Variants in PPP2R3A observed in about 807,000 individuals in gnomAD.
PPP2R3A encodes serine/threonine-protein phosphatase 2A regulatory subunit B'' subunit alpha.
PPP2R3A carries 80 observed loss-of-function variants against 106.9 expected under a neutral mutation model. The observed-to-expected ratio is 0.75, with a 90% CI of 0.62 to 0.90. PPP2R3A has a LOEUF of 0.90. Ranked by LOEUF, PPP2R3A falls within the 40% of genes least tolerant of loss-of-function variation. The pLI, the probability that PPP2R3A is intolerant of heterozygous loss-of-function variation, is 0.00. For missense variants in PPP2R3A, 1,386 were observed against 1,350.4 expected (o/e 1.03, Z -0.41); for synonymous variants, 483 against 468.3 (o/e 1.03, Z -0.41).
intron 5 of PPP2R3A, among the ~76,000 whole-genome samples, chr3:136,064,456 C>T (rs1936194790): frequency 6.6e-6 from 1 of 151,788 alleles, no homozygotes; most frequent in African/African-American, 2.4e-5. Context: ...GGGTTCTATA[C>T]TAATGTGTTT....
At chr3:136,025,814 C>T (rs1322791396) in intron 2 of PPP2R3A, among the ~76,000 whole-genome samples, 1 of 152,086 alleles carries the variant, frequency 6.6e-6, no homozygotes, top group Non-Finnish European at 1.5e-5. Flanking sequence ...GCATCTAATA[C>T]AGTACCATGC....
chr3:136,082,312 T>C lies in PPP2R3A; in HGVS notation c.2679T>C (p.Asp893=), dbSNP rs138442457. 1,026 of 1,601,632 alleles carry C rather than the reference T, an allele frequency of 6.4e-4. 2 individuals are homozygous for C. The highest frequency in any genetic ancestry group is 8.3e-4 in the Middle Eastern group (5 of 6,052). ...AGGAAGATATAAACCAAATTACAGA[T>C]TACTTCTCCTATGAACATTTCTATG... ...EEEEDINQIT[D]YFSYEHFYVI... Residue 893 remains aspartate (D), a synonymous_variant, in exon 8 of 14, where the codon GAT becomes GAC. Coordinates refer to ENST00000264977, the MANE Select transcript of PPP2R3A (RefSeq NM_002718.5).
chr3:136,017,857 G>T lies in PPP2R3A; in HGVS notation c.1996-8975G>T, dbSNP rs1357539. Among the ~76,000 whole-genome samples the T allele has an allele frequency of 6.8e-4, 104 of 152,306 alleles. 1 individual carries two copies. The East Asian group carries it at 0.013, about 18-fold the overall frequency. Reference sequence around the variant, plus strand: ...TCATCCAGATTTTTATAGCTTTGCTGCCTGCATTATTCCAACTGCCTTTCC... The same window carrying T: ...TCATCCAGATTTTTATAGCTTTGCTTCCTGCATTATTCCAACTGCCTTTCC... On this transcript the variant is annotated intron_variant, in intron 2 of 13. Coordinates refer to ENST00000264977, the MANE Select transcript of PPP2R3A (RefSeq NM_002718.5).
rs1196992314 is a variant in PPP2R3A at position 136,137,100 on chromosome 3, A to G, written c.3330-7943A>G. 2.0e-5 allele frequency among the ~76,000 whole-genome samples: 3 copies of G among 152,314 alleles called. No individual in the cohort carries two copies. The East Asian group carries it at 5.8e-4, about 29-fold the overall frequency. ...CTATATGAAGATAACAGGTTATGAT[A>G]CCATATTTATAATTAACATTCTTAT... On this transcript the variant is annotated intron_variant, in intron 13 of 13. Coordinates refer to ENST00000264977, the MANE Select transcript of PPP2R3A (RefSeq NM_002718.5).
chr3:136,009,440 A>T (rs895075834), intron 2 of PPP2R3A, among the ~76,000 whole-genome samples: 1 of 152,076 alleles, frequency 6.6e-6, no homozygotes, highest in Non-Finnish European at 1.5e-5. Context: ...ACACTTTTCA[A>T]TATTACTCTT....
Position 136,001,586 on chromosome 3 carries a change from T to G in PPP2R3A, c.88T>G (p.Tyr30Asp). Residue 30 changes from tyrosine (Y) to aspartate (D), a missense_variant, in exon 2 of 14, where the codon TAT (tyrosine) becomes GAT (aspartate). Tyr to Asp is a radical substitution (Grantham distance 160). Coordinates refer to ENST00000264977, the MANE Select transcript of PPP2R3A (RefSeq NM_002718.5). Reference sequence around the variant, plus strand: ...CCGGCGTTTTGAACAAGCTATACATTATTGCACTGGAACCTGCCACACCTT... The same window carrying G: ...CCGGCGTTTTGAACAAGCTATACATGATTGCACTGGAACCTGCCACACCTT... ...IDRRFEQAIHYCTGTCHTFTH... is the reference protein window; with the variant it reads ...IDRRFEQAIHDCTGTCHTFTH... 6.2e-7 allele frequency: 1 copy of G among 1,614,170 alleles called. No homozygotes were observed. The highest frequency in any genetic ancestry group is 8.5e-7 in the Non-Finnish European group (1 of 1,180,016).
intron 2 of PPP2R3A, among the ~76,000 whole-genome samples, chr3:136,008,978 A>C (rs1933948051): frequency 6.7e-6 from 1 of 149,476 alleles, no homozygotes; most frequent in South Asian, 2.1e-4. Context: ...CCCATCCCCC[A>C]CCCCACTTTC....
chr3:136,084,517 GC>G (rs1936871152), intron 8 of PPP2R3A, among the ~76,000 whole-genome samples: 1 of 152,226 alleles, frequency 6.6e-6, no homozygotes, highest in African/African-American at 2.4e-5. Context: ...TGGGGTTGAA[GC>G]CCCCACAGAG....
chr3:136,008,849 A>G (rs946887937), intron 2 of PPP2R3A, among the ~76,000 whole-genome samples: 20 of 152,094 alleles, frequency 1.3e-4, no homozygotes, highest in African/African-American at 4.6e-4. Context: ...AGGCCTGTCC[A>G]ACCCTCACAG....
chr3:136,075,588 ACAGT>A (rs759794649), intron 6 of PPP2R3A, among the ~76,000 whole-genome samples: 3 of 152,246 alleles, frequency 2.0e-5, no homozygotes, highest in Non-Finnish European at 4.4e-5. Context: ...GAAATGCCTA[ACAGT>A]CAAACTGTTT....
chr3:135,986,796 C>A (rs1295087690), intron 1 of PPP2R3A, among the ~76,000 whole-genome samples: 3 of 152,114 alleles, frequency 2.0e-5, no homozygotes, highest in African/African-American at 7.2e-5. Context: ...TCTTCTGAAC[C>A]ATTCTCTTGT....
chr3:135,969,189 C>T (rs1049997411), intron 1 of PPP2R3A, among the ~76,000 whole-genome samples: 1 of 152,040 alleles, frequency 6.6e-6, no homozygotes, highest in Non-Finnish European at 1.5e-5. Context: ...TATTAGAATG[C>T]TTTGGAAGGA....
chr3:136,080,179 G>A (rs192314860), intron 7 of PPP2R3A, among the ~76,000 whole-genome samples: 8 of 152,118 alleles, frequency 5.3e-5, no homozygotes, highest in Non-Finnish European at 1.2e-4. Flanking sequence ...CAGTGTCTCA[G>A]GGTTTTTTTC....
chr3:136,055,652 C>A, intron 5 of PPP2R3A: 2 of 1,249,854 alleles, frequency 1.6e-6, no homozygotes, highest in Non-Finnish European at 2.3e-6. Flanking sequence ...GTACTTGATA[C>A]AGAGGTTGTT....
intron 7 of PPP2R3A, 97 bp downstream of exon 7, chr3:136,078,550 T>C (rs1936670630): frequency 1.3e-6 from 1 of 753,118 alleles, no homozygotes; most frequent in Non-Finnish European, 2.2e-6. Context: ...TTCAAAGCAC[T>C]GTCACTACTT....
chr3:135,993,282 A>G (rs1933252018), intron 1 of PPP2R3A, among the ~76,000 whole-genome samples: 1 of 152,218 alleles, frequency 6.6e-6, no homozygotes, highest in African/African-American at 2.4e-5. Context: ...GAAGATATAT[A>G]TGAATTTTTA....
At chr3:136,108,824 C>G (rs536728771) in intron 13 of PPP2R3A, among the ~76,000 whole-genome samples, 2 of 152,168 alleles carry the variant, frequency 1.3e-5, no homozygotes, top group South Asian at 4.2e-4. Context: ...GCAACTTCCT[C>G]AGAGAAAGAA....
intron 1 of PPP2R3A, among the ~76,000 whole-genome samples, chr3:135,998,849 G>A (rs2107784087): frequency 6.6e-6 from 1 of 152,202 alleles, no homozygotes; most frequent in African/African-American, 2.4e-5. Flanking sequence ...GTTATAGTAT[G>A]GTCCAAATTT....
rs1028709926 is a variant in PPP2R3A, at chr3:135,965,770, A to T, written c.-520A>T. The T allele has an allele frequency of 2.0e-5, 3 of 152,068 alleles. No individual in the cohort carries two copies. Among genetic ancestry groups the T allele is most frequent in the Admixed American group, 6.5e-5 (1 of 15,278 alleles). 9.4% of individuals were successfully genotyped at this position (152,068 alleles called of 1,614,324 possible). A position where few individuals can be genotyped will look rare whatever the true frequency, so the allele number is the denominator to read the frequency against. On this transcript the variant is annotated 5_prime_UTR_variant, in exon 1 of 14. Transcript: ENST00000264977. Reference sequence around the variant, plus strand: ...CTTCACGCGCCGCATTCGTAGCCCGAGAGTCCGCGCCGCGGGGAGGCTTGG... The same window carrying T: ...CTTCACGCGCCGCATTCGTAGCCCGTGAGTCCGCGCCGCGGGGAGGCTTGG...
Sources: allele counts gnomAD v4.1 joint callset (sites outside exome capture counted in the v4.1 genomes callset), GRCh38; gene constraint gnomAD v4.1.1; transcripts MANE v1.5; gene names NCBI Gene and HGNC (gene_info 2026-07-23, HGNC 2026-07-21).